Variants in NKAIN2 observed in about 807,000 individuals in gnomAD.
The protein encoded by NKAIN2 is sodium/potassium transporting ATPase interacting 2, also known as sodium/potassium-transporting ATPase subunit beta-1-interacting protein 2.
NKAIN2 carries 14 observed loss-of-function variants against 32.6 expected under a neutral mutation model. That is an observed-to-expected ratio of 0.43 (90% CI 0.28 to 0.67). The LOEUF is 0.67. NKAIN2 is among the 30% of genes least tolerant of loss of function. The probability of loss-of-function intolerance (pLI) is 0.17; values close to 1 mark genes in which losing one functional copy is unlikely to be tolerated. For missense variants in NKAIN2, 198 were observed against 258.3 expected (o/e 0.77, Z 1.60); for synonymous variants, 80 against 87.2 (o/e 0.92, Z 0.46).
chr6:124,365,390 T>C (rs1799477532), intron 3 of NKAIN2, among the ~76,000 whole-genome samples: 1 of 151,782 alleles, frequency 6.6e-6, no homozygotes, highest in Non-Finnish European at 1.5e-5. Flanking sequence ...GATGTAGTAA[T>C]TTTAATATAA....
chr6:124,570,380 C>T (rs944672611), intron 3 of NKAIN2, among the ~76,000 whole-genome samples: 1 of 152,148 alleles, frequency 6.6e-6, no homozygotes, highest in Non-Finnish European at 1.5e-5. Flanking sequence ...CAGGCCACGT[C>T]AGAGACCTTC....
At chr6:124,272,815 G>T (rs534675695) in intron 1 of NKAIN2, among the ~76,000 whole-genome samples, 1 of 152,152 alleles carries the variant, frequency 6.6e-6, no homozygotes, top group South Asian at 2.1e-4. Context: ...CCCACCCCTC[G>T]CCCTGGATGT....
chr6:124,613,288 T>A (rs1782759273), intron 3 of NKAIN2, among the ~76,000 whole-genome samples: 1 of 152,184 alleles, frequency 6.6e-6, no homozygotes, highest in Non-Finnish European at 1.5e-5. Flanking sequence ...TTCATTCAAC[T>A]CCCCTTGTTC....
intron 3 of NKAIN2, among the ~76,000 whole-genome samples, chr6:124,485,222 A>G (rs1777607282): frequency 6.6e-6 from 1 of 152,132 alleles, no homozygotes; most frequent in African/African-American, 2.4e-5. Context: ...CTCAGGCTCC[A>G]CCTGTCTTAC....
At chr6:124,671,743 G>A (rs1439737491) in intron 4 of NKAIN2, among the ~76,000 whole-genome samples, 2 of 151,906 alleles carry the variant, frequency 1.3e-5, no homozygotes, top group African/African-American at 4.8e-5. Context: ...CATATTTTAG[G>A]TACTTGGTTT....
intron 1 of NKAIN2, among the ~76,000 whole-genome samples, chr6:124,164,488 G>A (rs928903583): frequency 1.3e-5 from 2 of 151,948 alleles, no homozygotes; most frequent in African/African-American, 4.8e-5. Context: ...TGCTTCCTGT[G>A]GTAAAAAGCA....
In NKAIN2 at chr6:124,622,049, C is replaced by T. The variant is rs557425566; in HGVS notation, c.274-36137C>T. On this transcript the variant is annotated intron_variant, in intron 3 of 6. Coordinates refer to ENST00000368417, the MANE Select transcript of NKAIN2 (RefSeq NM_001040214.3). ...CCATGCACTTTGTGGCTTAAAAGGA[C>T]ATAAACTTTTTCTCTCACAATTCTA... is the stretch of plus-strand genomic sequence containing the variant. 1.9e-4 allele frequency among the ~76,000 whole-genome samples: 29 copies of T among 152,304 alleles called. No homozygotes were observed. In the South Asian group the frequency reaches 5.8e-3, roughly 31 times the overall value.
chr6:123,818,288 A>C (rs1316050619), intron 1 of NKAIN2, among the ~76,000 whole-genome samples: 4 of 152,012 alleles, frequency 2.6e-5, no homozygotes, highest in Non-Finnish European at 5.9e-5. Context: ...AAGAGTTAAG[A>C]ACAATGTGAT....
intron 2 of NKAIN2, among the ~76,000 whole-genome samples, chr6:124,291,394 G>T (rs1428390541): frequency 6.6e-6 from 1 of 151,876 alleles, no homozygotes; most frequent in Non-Finnish European, 1.5e-5. Flanking sequence ...CTTTGTTGTG[G>T]CTCAGAAAAT....
chr6:124,313,748 T>C (rs1050022253), intron 2 of NKAIN2, among the ~76,000 whole-genome samples: 3 of 152,162 alleles, frequency 2.0e-5, no homozygotes, highest in African/African-American at 7.2e-5. Flanking sequence ...GCTGGCTCTT[T>C]GACAGAGTAT....
intron 3 of NKAIN2, among the ~76,000 whole-genome samples, chr6:124,627,125 G>A (rs1783383310): frequency 1.3e-5 from 2 of 151,944 alleles, no homozygotes; most frequent in South Asian, 4.1e-4. Flanking sequence ...CAAAAATTAG[G>A]TGGGCATGAT....
At chr6:124,231,529 G>A (rs905432130) in intron 1 of NKAIN2, among the ~76,000 whole-genome samples, 4 of 152,122 alleles carry the variant, frequency 2.6e-5, no homozygotes, top group Middle Eastern at 3.2e-3. Flanking sequence ...TAATTCCCAC[G>A]TGTCATGGGA....
chr6:124,788,367 G>T (rs1187945721), intron 4 of NKAIN2, among the ~76,000 whole-genome samples: 1 of 152,046 alleles, frequency 6.6e-6, no homozygotes, highest in Non-Finnish European at 1.5e-5. Flanking sequence ...CATCATTGTA[G>T]CCCAGGTAGC....
chr6:124,691,849 G>A (rs1227700326), intron 4 of NKAIN2, among the ~76,000 whole-genome samples: 1 of 152,020 alleles, frequency 6.6e-6, no homozygotes, highest in Non-Finnish European at 1.5e-5. Context: ...ACAAACACAC[G>A]GTAATAAACT....
rs529657450 is a variant in NKAIN2 at position 123,868,343 on chromosome 6, T to A, written c.54+64089T>A. On this transcript the variant is annotated intron_variant, in intron 1 of 6. Coordinates refer to ENST00000368417, the MANE Select transcript of NKAIN2 (RefSeq NM_001040214.3). The stretch of plus-strand genomic sequence containing the variant: ...GAAGTAAAATGACCAAATAAATTAA[T>A]GAAAGGCTGGGACATATGTATGCAT... Among the ~76,000 whole-genome samples, 22 of 152,334 alleles carry A rather than the reference T, an allele frequency of 1.4e-4. No individual in the cohort carries two copies. The South Asian group carries it at 4.4e-3, about 30-fold the overall frequency.
chr6:124,273,850 C>T (rs117434427), intron 1 of NKAIN2, among the ~76,000 whole-genome samples: 313 of 152,204 alleles, frequency 2.1e-3, no homozygotes, highest in East Asian at 0.013. Flanking sequence ...GTTAAATGGA[C>T]GCATTATATT....
At chr6:124,406,845 C>A (rs995592452) in intron 3 of NKAIN2, among the ~76,000 whole-genome samples, 1 of 152,084 alleles carries the variant, frequency 6.6e-6, no homozygotes, top group Non-Finnish European at 1.5e-5. Flanking sequence ...ATCATCTTCT[C>A]AAGTGCTACT....
chr6:124,186,645 T>C (rs1391604708), intron 1 of NKAIN2, among the ~76,000 whole-genome samples: 1 of 152,172 alleles, frequency 6.6e-6, no homozygotes, highest in Non-Finnish European at 1.5e-5. Flanking sequence ...CAGATACCAA[T>C]ATATGTGTTT....
intron 4 of NKAIN2, among the ~76,000 whole-genome samples, chr6:124,678,448 C>T (rs1773463396): frequency 6.6e-6 from 1 of 152,110 alleles, no homozygotes; most frequent in Non-Finnish European, 1.5e-5. Flanking sequence ...CAAATAACCA[C>T]TCTTTGAGTT....
Sources: allele counts gnomAD v4.1 joint callset (sites outside exome capture counted in the v4.1 genomes callset), GRCh38; gene constraint gnomAD v4.1.1; transcripts MANE v1.5; gene names NCBI Gene and HGNC (gene_info 2026-07-23, HGNC 2026-07-21).